Variants in SCAPER observed in about 807,000 individuals in gnomAD.
SCAPER encodes S phase cyclin A-associated protein in the endoplasmic reticulum.
In SCAPER, 98 loss-of-function variants were observed where a neutral mutation model predicts 182.2. That is an observed-to-expected ratio of 0.54 (90% CI 0.46 to 0.64). The LOEUF (loss-of-function observed/expected upper bound fraction) is 0.64. Ranked by LOEUF, SCAPER falls within the 30% of genes least tolerant of loss-of-function variation. The probability of loss-of-function intolerance (pLI) is 0.00; values close to 1 mark genes in which losing one functional copy is unlikely to be tolerated. For synonymous variants in SCAPER, 605 were observed against 564.6 expected, an observed-to-expected ratio of 1.07 and a Z score of -1.01; for missense variants, 1,432 against 1,690.0, an observed-to-expected ratio of 0.85 and a Z score of 2.68.
chr15:76,573,655 A>G (rs2047612005), intron 23 of SCAPER, among the ~76,000 whole-genome samples: 1 of 152,138 alleles, frequency 6.6e-6, no homozygotes, highest in Non-Finnish European at 1.5e-5. Context: ...TCTTCTTTGT[A>G]CGTTTAACAT....
chr15:76,900,847 T>C (rs1280551968), intron 1 of SCAPER, among the ~76,000 whole-genome samples: 1 of 152,236 alleles, frequency 6.6e-6, no homozygotes, highest in East Asian at 1.9e-4. Context: ...ATCTATGAAT[T>C]ATCCACATAT....
intron 22 of SCAPER, among the ~76,000 whole-genome samples, chr15:76,591,651 TACTC>T (rs2049119199): frequency 1.3e-5 from 2 of 152,078 alleles, no homozygotes; most frequent in South Asian, 4.1e-4. Flanking sequence ...TTTTGTAGAA[TACTC>T]AAACAATAGA....
chr15:76,840,050 T>C (rs2069314982), intron 5 of SCAPER, among the ~76,000 whole-genome samples: 1 of 152,128 alleles, frequency 6.6e-6, no homozygotes, highest in Admixed American at 6.5e-5. Context: ...CTAAGTCCAG[T>C]AGTGTCTTCT....
chr15:76,477,338 G>C (rs1257864271), intron 24 of SCAPER, among the ~76,000 whole-genome samples: 1 of 152,070 alleles, frequency 6.6e-6, no homozygotes, highest in Non-Finnish European at 1.5e-5. Flanking sequence ...CAAATACTTG[G>C]CACTCTCAGG....
chr15:76,474,165 G>A (rs1293508847), intron 24 of SCAPER, among the ~76,000 whole-genome samples: 2 of 152,180 alleles, frequency 1.3e-5, no homozygotes, highest in African/African-American at 2.4e-5. Context: ...GGTGGTACTA[G>A]TTGGGAAATG....
At chr15:76,805,054 A>G (rs1301199214) in intron 5 of SCAPER, among the ~76,000 whole-genome samples, 1 of 152,200 alleles carries the variant, frequency 6.6e-6, no homozygotes, top group East Asian at 1.9e-4. Context: ...AAATAACAAT[A>G]TTATTAAAAA....
intron 25 of SCAPER, among the ~76,000 whole-genome samples, chr15:76,461,815 T>C (rs565752226): frequency 1.5e-4 from 23 of 152,332 alleles, no homozygotes; most frequent in Admixed American, 1.4e-3. Context: ...TGCTATGTCA[T>C]GAAGAATCTG....
intron 23 of SCAPER, among the ~76,000 whole-genome samples, chr15:76,561,748 T>A (rs192190332): frequency 1.3e-3 from 198 of 152,094 alleles, no homozygotes; most frequent in African/African-American, 4.7e-3. Context: ...TCGCTCCTTT[T>A]GCCCAGGCTG....
intron 23 of SCAPER, chr15:76,567,416 A>T (rs2047117667): frequency 2.3e-6 from 1 of 433,658 alleles, no homozygotes; most frequent in Non-Finnish European, 4.6e-6. Context: ...CTAGAAGTGA[A>T]ATATGATACA....
chr15:76,490,265 T>C (rs866661308), intron 24 of SCAPER, among the ~76,000 whole-genome samples: 1 of 152,148 alleles, frequency 6.6e-6, no homozygotes, highest in African/African-American at 2.4e-5. Flanking sequence ...CAACGAAGAG[T>C]GTACAAGGGT....
intron 27 of SCAPER, among the ~76,000 whole-genome samples, chr15:76,398,390 C>T (rs56246286): frequency 0.32 from 48,757 of 152,084 alleles, 8,244 homozygotes; most frequent in East Asian, 0.58. Flanking sequence ...TTTCCCCCTA[C>T]AAGCTTACAG....
At position 76,775,049 on chromosome 15, in the gene SCAPER, C is replaced by T. The variant is rs767479743; in HGVS notation, c.841G>A (p.Val281Met). 3 of 1,613,674 alleles carry T rather than the reference C, an allele frequency of 1.9e-6. No individual in the cohort carries two copies. The highest frequency in any genetic ancestry group is 2.7e-5 in the African/African-American group (2 of 74,906). The change falls in exon 9 of 32, where the codon GTG (valine) becomes ATG (methionine). Residue 281 changes from valine (V) to methionine (M), a missense_variant. Val to Met is a conservative substitution (Grantham distance 21). Around this residue, in one of 5 missense-constraint regions of SCAPER, gnomAD observed 480 missense variants for 510.2 expected, o/e 0.94. Transcript: ENST00000563290. ...GRPIRSRSTA[V>M]MPKVSLATEA... ...GTTGCCAATGAAACTTTTGGCATCA[C>T]TGCTGTTGATCGAGAACGAATAGGC... is the stretch of plus-strand genomic sequence containing the variant.
At chr15:76,685,199 C>T (rs1485336821) in intron 20 of SCAPER, among the ~76,000 whole-genome samples, 1 of 151,686 alleles carries the variant, frequency 6.6e-6, no homozygotes, top group African/African-American at 2.4e-5. Context: ...TATTACACAC[C>T]TAAAGCAAAC....
chr15:76,375,753 C>A (rs369461737), intron 29 of SCAPER, among the ~76,000 whole-genome samples: 157 of 152,284 alleles, frequency 1.0e-3, no homozygotes, highest in African/African-American at 3.5e-3. Context: ...GAGGCCAAGG[C>A]AGGCAGATCA....
chr15:76,772,001 C>G (rs776657650), intron 9 of SCAPER, 47 bp from the exon 10 acceptor site: 2 of 1,392,726 alleles, frequency 1.4e-6, no homozygotes, highest in Non-Finnish European at 2.0e-6. Context: ...AAAATACCAA[C>G]TATTCCACTT....
intron 24 of SCAPER, among the ~76,000 whole-genome samples, chr15:76,486,834 C>T (rs144454640): frequency 4.1e-4 from 63 of 152,296 alleles, no homozygotes; most frequent in African/African-American, 1.4e-3. Context: ...AGCAGTCCCA[C>T]TATTGGATAT....
intron 1 of SCAPER, among the ~76,000 whole-genome samples, chr15:76,886,145 A>G (rs1283626717): frequency 6.6e-6 from 1 of 152,204 alleles, no homozygotes; most frequent in African/African-American, 2.4e-5. Flanking sequence ...AAATTTATAT[A>G]AATTTTTTAA....
At chr15:76,727,196 C>G (rs2060647239) in intron 17 of SCAPER, among the ~76,000 whole-genome samples, 1 of 151,922 alleles carries the variant, frequency 6.6e-6, no homozygotes, top group Admixed American at 6.6e-5. Flanking sequence ...AATCTTAACA[C>G]CTGAATTTAT....
In SCAPER at chr15:76,379,346, G is replaced by A. The variant is rs185679953; in HGVS notation, c.3705+2032C>T. On this transcript the variant is annotated intron_variant, in intron 28 of 31. Coordinates refer to ENST00000563290, the MANE Select transcript of SCAPER (RefSeq NM_020843.4). The stretch of plus-strand genomic sequence containing the variant: ...CTGAGAAGGAAATATAGAGTTGCAT[G>A]AGAAGAAGGAAGAAAAGGTACTGGA... Among the ~76,000 whole-genome samples the A allele has an allele frequency of 2.1e-4, 32 of 152,292 alleles. No individual in the cohort carries two copies. The East Asian group carries it at 6.2e-3, about 29-fold the overall frequency.
Sources: allele counts gnomAD v4.1 joint callset (sites outside exome capture counted in the v4.1 genomes callset), GRCh38; gene constraint gnomAD v4.1.1; regional missense constraint gnomAD v4.1.1; transcripts MANE v1.5; gene names NCBI Gene and HGNC (gene_info 2026-07-23, HGNC 2026-07-21).